Variants in ELMO1 observed in about 807,000 individuals in gnomAD.
ELMO1 encodes the protein engulfment and cell motility protein 1.
A neutral mutation model predicts 98.9 loss-of-function variants in ELMO1; 26 were observed. The ratio of observed to expected loss-of-function variants is 0.26; its 90% CI spans 0.19 to 0.36. The LOEUF is 0.36. Among genes scored for constraint, ELMO1 ranks in the 10% least tolerant of loss-of-function variants. ELMO1 has a pLI of 1.00. For missense variants in ELMO1, 627 were observed against 935.2 expected (o/e 0.67, Z 4.30); for synonymous variants, 346 against 346.0 (o/e 1.00, Z 0.00).
intron 21 of ELMO1, among the ~76,000 whole-genome samples, chr7:36,859,080 C>T (rs956864046): frequency 6.6e-6 from 1 of 152,084 alleles, no homozygotes; most frequent in Non-Finnish European, 1.5e-5. Context: ...AAAAAAGGCA[C>T]ATGCTCATGA....
intron 13 of ELMO1, among the ~76,000 whole-genome samples, chr7:37,160,612 T>C (rs1789133050): frequency 6.6e-6 from 1 of 152,058 alleles, no homozygotes; most frequent in Admixed American, 6.6e-5. Context: ...GCCCTTTATG[T>C]TGGAGGTTGG....
At chr7:37,321,716 C>CAAAAAA (rs565421716) in intron 2 of ELMO1, among the ~76,000 whole-genome samples, 1,981 of 65,978 alleles carry the variant, frequency 0.03, 124 homozygotes, top group Admixed American at 0.038. Context: ...GACTCCGTCT[C>CAAAAAA]AAAAAAAAAA....
At chr7:37,404,318 T>C (rs1803660125) in intron 1 of ELMO1, among the ~76,000 whole-genome samples, 1 of 152,052 alleles carries the variant, frequency 6.6e-6, no homozygotes, top group Admixed American at 6.5e-5. Context: ...GCCTCTCCCA[T>C]GCACACTGCA....
At chr7:37,081,211 G>C (rs1014307905) in intron 15 of ELMO1, among the ~76,000 whole-genome samples, 4 of 152,064 alleles carry the variant, frequency 2.6e-5, no homozygotes, top group African/African-American at 9.7e-5. Context: ...CTGTCAATGG[G>C]AGACATACTT....
chr7:37,075,984 C>T (rs1054817020), intron 15 of ELMO1, among the ~76,000 whole-genome samples: 20 of 152,090 alleles, frequency 1.3e-4, no homozygotes, highest in African/African-American at 4.8e-4. Context: ...TTGAGGGGAA[C>T]TTTTTAAACT....
intron 15 of ELMO1, among the ~76,000 whole-genome samples, chr7:37,074,496 C>T (rs986154719): frequency 6.6e-6 from 1 of 152,178 alleles, no homozygotes; most frequent in African/African-American, 2.4e-5. Flanking sequence ...TAGCTGATGT[C>T]CAGTAGGTAT....
intron 16 of ELMO1, among the ~76,000 whole-genome samples, chr7:36,958,240 C>T (rs1788631471): frequency 6.6e-6 from 1 of 152,168 alleles, no homozygotes. Context: ...GCAAAACCAA[C>T]CTAGCTTAAA....
chr7:37,255,602 C>A (rs987322258), intron 6 of ELMO1, among the ~76,000 whole-genome samples: 1 of 152,182 alleles, frequency 6.6e-6, no homozygotes, highest in African/African-American at 2.4e-5. Context: ...ATCACATGCG[C>A]CCCTGCTTTG....
intron 1 of ELMO1, among the ~76,000 whole-genome samples, chr7:37,431,008 C>T (rs1410799606): frequency 3.3e-5 from 5 of 151,988 alleles, no homozygotes; most frequent in Non-Finnish European, 7.3e-5. Flanking sequence ...GGCATAGTTA[C>T]CTTAATGGAC....
intron 1 of ELMO1, among the ~76,000 whole-genome samples, chr7:37,432,715 C>T (rs1484879415): frequency 6.6e-6 from 1 of 152,216 alleles, no homozygotes; most frequent in Non-Finnish European, 1.5e-5. Flanking sequence ...ATGTGTATCA[C>T]AGATGCCTCG....
intron 8 of ELMO1, among the ~76,000 whole-genome samples, chr7:37,227,408 C>T (rs867635921): frequency 3.3e-5 from 5 of 152,002 alleles, no homozygotes; most frequent in Non-Finnish European, 5.9e-5. Flanking sequence ...TTTTTTGAGA[C>T]GGAATCTTGC....
intron 4 of ELMO1, among the ~76,000 whole-genome samples, chr7:37,303,981 G>A (rs900471318): frequency 3.9e-5 from 6 of 151,964 alleles, no homozygotes; most frequent in Admixed American, 2.6e-4. Context: ...TGCTGGTGGC[G>A]GTCGCTGCCC....
At chr7:37,446,793 G>T (rs189533298) in intron 1 of ELMO1, among the ~76,000 whole-genome samples, 7 of 152,190 alleles carry the variant, frequency 4.6e-5, no homozygotes, top group African/African-American at 1.4e-4. Flanking sequence ...AAGAGTCCCA[G>T]CAGTCCAGGT....
intron 13 of ELMO1, among the ~76,000 whole-genome samples, chr7:37,142,546 C>A (rs527262566): frequency 6.6e-6 from 1 of 152,198 alleles, no homozygotes; most frequent in African/African-American, 2.4e-5. Flanking sequence ...CAATATGTCT[C>A]AACTATGTTT....
intron 14 of ELMO1, among the ~76,000 whole-genome samples, chr7:37,116,546 C>A (rs1231601548): frequency 2.6e-5 from 4 of 152,042 alleles, no homozygotes; most frequent in African/African-American, 9.7e-5. Context: ...AAGTTTTTAA[C>A]CTTTCAATTC....
intron 6 of ELMO1, among the ~76,000 whole-genome samples, chr7:37,254,447 T>C (rs1795529328): frequency 6.6e-6 from 1 of 152,180 alleles, no homozygotes; most frequent in South Asian, 2.1e-4. Flanking sequence ...AATGCATCAT[T>C]AGGTGATTCT....
chr7:37,004,340 A>G (rs1001008995), intron 16 of ELMO1, among the ~76,000 whole-genome samples: 6 of 152,200 alleles, frequency 3.9e-5, no homozygotes, highest in South Asian at 2.1e-4. Context: ...CACAGCCCCA[A>G]TGTATAGTTA....
At chr7:37,321,715 T>TTAAAAA (rs1799508088) in intron 2 of ELMO1, among the ~76,000 whole-genome samples, 1 of 20,638 alleles carries the variant, frequency 4.8e-5, no homozygotes, top group Admixed American at 6.7e-4. Context: ...AGACTCCGTC[T>TTAAAAA]CAAAAAAAAA....
chr7:37,069,760 C>A (rs909364848), intron 15 of ELMO1, among the ~76,000 whole-genome samples: 4 of 152,090 alleles, frequency 2.6e-5, no homozygotes, highest in Non-Finnish European at 4.4e-5. Context: ...CTAGAATGTT[C>A]TACTGACTTA....
Sources: gnomAD v4.1 joint callset for allele counts (sites outside exome capture counted in the v4.1 genomes callset) on GRCh38, gnomAD v4.1.1 for gene constraint, MANE v1.5 for transcripts, NCBI Gene and HGNC (gene_info 2026-07-23, HGNC 2026-07-21) for gene names.